DRC11: variants seen among roughly 807,000 people sequenced by gnomAD.
DRC11 encodes the protein dynein regulatory complex subunit 11.
the DRC11 span, among the ~76,000 whole-genome samples, chr2:236,449,503 G>A: frequency 2.6e-5 from 4 of 152,288 alleles, no homozygotes; most frequent in Admixed American, 6.5e-5. This position sits in a 1 kb window ranked among gnomAD's most constrained non-coding sequence, Gnocchi z 5.1. Flanking sequence ...TTTTCCACCC[G>A]AGCCCCACAG....
chr2:236,466,901 A>G, the DRC11 span, among the ~76,000 whole-genome samples: 16 of 152,358 alleles, frequency 1.1e-4, no homozygotes, highest in Admixed American at 3.9e-4. Flanking sequence ...TGTAACTTTC[A>G]GAATGAATAT....
At chr2:236,395,312 AGCCT>A in the DRC11 span, among the ~76,000 whole-genome samples, 3 of 152,234 alleles carry the variant, frequency 2.0e-5, no homozygotes, top group Non-Finnish European at 2.9e-5. Context: ...GCAGCTGGGA[AGCCT>A]GGGCTGAACA....
At chr2:236,425,445 T>A in the DRC11 span, among the ~76,000 whole-genome samples, 2 of 152,192 alleles carry the variant, frequency 1.3e-5, no homozygotes, top group East Asian at 3.9e-4. Context: ...TATGTCTTCT[T>A]TTGAGAAATG....
chr2:236,474,155 A>G, the DRC11 span, among the ~76,000 whole-genome samples: 3 of 152,146 alleles, frequency 2.0e-5, no homozygotes, highest in Non-Finnish European at 2.9e-5. Flanking sequence ...CTGAATCCAT[A>G]TATCTCTCAA....
the DRC11 span, among the ~76,000 whole-genome samples, chr2:236,347,739 A>C: frequency 6.6e-6 from 1 of 151,890 alleles, no homozygotes. Context: ...ATGAAAGACT[A>C]CAAAAAGGGT....
chr2:236,437,047 C>A, the DRC11 span, among the ~76,000 whole-genome samples: 1 of 150,274 alleles, frequency 6.7e-6, no homozygotes, highest in Non-Finnish European at 1.5e-5. Context: ...CCCACTAACT[C>A]ATCATCTAGC....
chr2:236,362,343 C>G, the DRC11 span, among the ~76,000 whole-genome samples: 3 of 152,184 alleles, frequency 2.0e-5, no homozygotes, highest in African/African-American at 4.8e-5. The surrounding 1 kb of genome is among the most constrained non-coding windows in gnomAD (Gnocchi z 5.7). Flanking sequence ...ACCCTTAAGA[C>G]AGCAAGGCTA....
the DRC11 span, among the ~76,000 whole-genome samples, chr2:236,443,839 C>T: frequency 1.3e-5 from 2 of 152,180 alleles, no homozygotes; most frequent in South Asian, 2.1e-4. The surrounding 1 kb of genome is among the most constrained non-coding windows in gnomAD (Gnocchi z 4.4). Flanking sequence ...TCTCTGCAAC[C>T]TTGCCAGCAC....
chr2:236,459,553 A>G, the DRC11 span, among the ~76,000 whole-genome samples: 101 of 122,704 alleles, frequency 8.2e-4, no homozygotes, highest in Non-Finnish European at 1.4e-3. Context: ...ATACGTATAC[A>G]TGTATACGTA....
At chr2:236,325,892 G>A in the DRC11 span, among the ~76,000 whole-genome samples, 8 of 152,264 alleles carry the variant, frequency 5.3e-5, no homozygotes, top group East Asian at 1.9e-4. This position sits in a 1 kb window ranked among gnomAD's most constrained non-coding sequence, Gnocchi z 4.4. Flanking sequence ...TGTGAGCCAC[G>A]GTGCGTGGCT....
chr2:236,316,984 C>T, the DRC11 span, among the ~76,000 whole-genome samples: 10 of 151,892 alleles, frequency 6.6e-5, no homozygotes, highest in African/African-American at 2.2e-4. This position sits in a 1 kb window ranked among gnomAD's most constrained non-coding sequence, Gnocchi z 6.8. Context: ...TCATAATAGC[C>T]GCAAACTGAA....
chr2:236,484,254 T>C, the DRC11 span, among the ~76,000 whole-genome samples: 1 of 152,224 alleles, frequency 6.6e-6, no homozygotes, highest in South Asian at 2.1e-4. Flanking sequence ...TATTTCAAAT[T>C]GACTATTATT....
chr2:236,432,254 CT>C, the DRC11 span, among the ~76,000 whole-genome samples: 4 of 152,070 alleles, frequency 2.6e-5, no homozygotes, highest in South Asian at 4.1e-4. Flanking sequence ...AATCTTTTGC[CT>C]GTTTTTTGAC....
the DRC11 span, among the ~76,000 whole-genome samples, chr2:236,312,157 G>A: frequency 2.6e-5 from 4 of 152,210 alleles, no homozygotes; most frequent in East Asian, 7.7e-4. Flanking sequence ...TAAGGATTTA[G>A]TACAAAAATT....
the DRC11 span, among the ~76,000 whole-genome samples, chr2:236,322,910 G>T: frequency 6.6e-6 from 1 of 152,278 alleles, no homozygotes; most frequent in South Asian, 2.1e-4. Context: ...ACTCCTACTG[G>T]CAGATCACAG....
At chr2:236,347,103 G>T in the DRC11 span, among the ~76,000 whole-genome samples, 1 of 152,208 alleles carries the variant, frequency 6.6e-6, no homozygotes, top group African/African-American at 2.4e-5. Flanking sequence ...AGAAAACCCA[G>T]GCTGGAGTGC....
At chr2:236,405,115 C>G in the DRC11 span, among the ~76,000 whole-genome samples, 1 of 152,146 alleles carries the variant, frequency 6.6e-6, no homozygotes, top group Non-Finnish European at 1.5e-5. The surrounding 1 kb of genome is among the most constrained non-coding windows in gnomAD (Gnocchi z 4.6). Flanking sequence ...GGTGGGTGAA[C>G]ACAAAAATTC....
At chr2:236,423,623 C>T in the DRC11 span, among the ~76,000 whole-genome samples, 1 of 152,118 alleles carries the variant, frequency 6.6e-6, no homozygotes, top group Non-Finnish European at 1.5e-5. Context: ...CTAGTTCAAC[C>T]ATTGTGGAAG....
the DRC11 span, among the ~76,000 whole-genome samples, chr2:236,394,240 T>C: frequency 6.6e-6 from 1 of 152,066 alleles, no homozygotes; most frequent in Admixed American, 6.5e-5. The surrounding 1 kb of genome is among the most constrained non-coding windows in gnomAD (Gnocchi z 7.0). Flanking sequence ...ATAAGGGCCC[T>C]GGGGCCAGTG....
Sources: allele counts gnomAD v4.1 joint callset (sites outside exome capture counted in the v4.1 genomes callset), GRCh38; gene constraint gnomAD v4.1.1; non-coding constraint Gnocchi (gnomAD v3.1); transcripts MANE v1.5; gene names NCBI Gene and HGNC (gene_info 2026-07-23, HGNC 2026-07-21).